The following FAM167A variants were observed in gnomAD, a reference collection of about 807,000 sequenced individuals.
FAM167A encodes the protein family with sequence similarity 167 member A.
A neutral mutation model predicts 14.9 loss-of-function variants in FAM167A; 23 were observed. The observed-to-expected ratio is 1.55, with a 90% CI of 1.11 to 2.19. The LOEUF is 2.19. FAM167A is among the 30% of genes most tolerant of loss of function. The pLI is 0.00. For synonymous variants in FAM167A, 174 were observed against 117.7 expected (o/e 1.48, Z -3.10); for missense variants, 401 against 281.5 (o/e 1.42, Z -3.04).
At chr8:11,447,712 T>C (rs994111877) in intron 1 of FAM167A, among the ~76,000 whole-genome samples, 5 of 152,208 alleles carry the variant, frequency 3.3e-5, no homozygotes, top group Admixed American at 1.3e-4. Flanking sequence ...TCTCAGCCTC[T>C]TTCTACTCTG....
chr8:11,437,184 G>A (rs1806078085), intron 2 of FAM167A, among the ~76,000 whole-genome samples: 2 of 152,180 alleles, frequency 1.3e-5, no homozygotes, highest in East Asian at 3.8e-4. Context: ...GGGCTTTGAG[G>A]TCGGGCAGAT....
chr8:11,429,056 C>G (rs1805384984), intron 2 of FAM167A, among the ~76,000 whole-genome samples: 1 of 151,996 alleles, frequency 6.6e-6, no homozygotes, highest in African/African-American at 2.4e-5. Flanking sequence ...CGCGCAACCA[C>G]CATCCATCTC....
At chr8:11,434,288 G>A (rs969621506) in intron 2 of FAM167A, among the ~76,000 whole-genome samples, 8 of 152,286 alleles carry the variant, frequency 5.3e-5, no homozygotes, top group East Asian at 1.9e-4. Context: ...GAGACTGCAG[G>A]GCGGGGACTC....
upstream of FAM167A, among the ~76,000 whole-genome samples, chr8:11,470,376 C>A (rs1402072733): frequency 6.6e-6 from 1 of 152,124 alleles, no homozygotes; most frequent in Non-Finnish European, 1.5e-5. Context: ...GTGCCTGCCA[C>A]AATCAGGGGC....
At chr8:11,468,939 G>C (rs1351476068), upstream of FAM167A, among the ~76,000 whole-genome samples, 1 of 152,224 alleles carries the variant, frequency 6.6e-6, no homozygotes, top group Non-Finnish European at 1.5e-5. Flanking sequence ...GAGTGGGCCA[G>C]AGGAAAGAGG....
intron 2 of FAM167A, among the ~76,000 whole-genome samples, chr8:11,432,944 C>G (rs1205650569): frequency 6.6e-6 from 1 of 152,152 alleles, no homozygotes; most frequent in Non-Finnish European, 1.5e-5. Flanking sequence ...AACCATCATT[C>G]TCAGCAAACC....
chr8:11,446,522 CG>C (rs1343616247), intron 1 of FAM167A: 3 of 152,152 alleles, frequency 2.0e-5, no homozygotes, highest in African/African-American at 7.2e-5. Flanking sequence ...AGTGTGCAGC[CG>C]GGGTGGAGAA....
chr8:11,463,521 A>G (rs1268159964), intron 1 of FAM167A, among the ~76,000 whole-genome samples: 2 of 152,214 alleles, frequency 1.3e-5, no homozygotes, highest in Non-Finnish European at 2.9e-5. Context: ...AACACTGCCC[A>G]GCCTTCGAGA....
In FAM167A at chr8:11,444,116, C is replaced by G. The variant is rs78823081; in HGVS notation, c.296G>C (p.Ser99Thr). 1,764 of 1,613,362 alleles carry G rather than the reference C, an allele frequency of 1.1e-3. 16 individuals carry two copies. The African/African-American group carries it at 0.021, about 19-fold the overall frequency. ...GQHPPSARSA[S>T]QGARPLSTGK... ...AGTGGACAGGGGTCTGGCACCTTGG[C>G]TGGCACTCCTGGCAGAAGGGGGGTG... The change falls in exon 2 of 3, where the codon AGC becomes ACC. Residue 99 changes from serine (S) to threonine (T), a missense_variant. Physicochemically the swap from Ser to Thr is moderately conservative, Grantham distance 58 (BLOSUM62 1). Coordinates refer to ENST00000284486, the MANE Select transcript of FAM167A (RefSeq NM_053279.3).
intron 1 of FAM167A, among the ~76,000 whole-genome samples, chr8:11,446,861 T>C (rs1210826464): frequency 2.0e-5 from 3 of 152,234 alleles, no homozygotes; most frequent in Non-Finnish European, 4.4e-5. Flanking sequence ...GGATCTGTTT[T>C]GAGCATGTCT....
Position 11,444,697 on chromosome 8 carries a change from C to T in FAM167A, c.-286G>A. Reference sequence around the variant, plus strand: ...CAGGAACAGACAGCGTCGCAGGAATCTCGGGGCAGCCTGTGCCAAGGTCTA... The same window carrying T: ...CAGGAACAGACAGCGTCGCAGGAATTTCGGGGCAGCCTGTGCCAAGGTCTA... On this transcript the variant is annotated 5_prime_UTR_variant, in exon 2 of 3. Coordinates refer to ENST00000284486, the MANE Select transcript of FAM167A (RefSeq NM_053279.3). 8.3e-7 allele frequency: 1 copy of T among 1,207,094 alleles called. No individual in the cohort carries two copies. The highest frequency in any genetic ancestry group is 1.0e-6 in the Non-Finnish European group (1 of 968,772). 74.8% of individuals were successfully genotyped at this position (1,207,094 alleles called of 1,614,324 possible). A position where few individuals can be genotyped will look rare whatever the true frequency, so the allele number is the denominator to read the frequency against.
At chr8:11,465,965 C>G (rs577098278) in intron 1 of FAM167A, among the ~76,000 whole-genome samples, 1 of 152,238 alleles carries the variant, frequency 6.6e-6, no homozygotes, top group Admixed American at 6.5e-5. Flanking sequence ...CAGGCAGTAA[C>G]GGGTGTGCAG....
intron 2 of FAM167A, 87 bp downstream of exon 2, chr8:11,443,944 G>C (rs1380924137): frequency 9.6e-6 from 14 of 1,459,968 alleles, no homozygotes; most frequent in Non-Finnish European, 1.3e-5. Flanking sequence ...GGTGGGGGTG[G>C]GGAGACAGAC....
chr8:11,437,794 T>A (rs1340664410), intron 2 of FAM167A, among the ~76,000 whole-genome samples: 1 of 152,144 alleles, frequency 6.6e-6, no homozygotes, highest in Non-Finnish European at 1.5e-5. Flanking sequence ...AGTTTATTAT[T>A]ATAGAAGAAA....
At chr8:11,444,004 T>TG in intron 2 of FAM167A, 27 bp downstream of exon 2, 1 of 1,590,146 alleles carries the variant, frequency 6.3e-7, no homozygotes, top group South Asian at 1.1e-5. Flanking sequence ...TCCTCTTTTC[T>TG]GGGGATTCTT....
chr8:11,433,911 C>T (rs1805799147), intron 2 of FAM167A: 1 of 152,204 alleles, frequency 6.6e-6, no homozygotes, highest in African/African-American at 2.4e-5. Flanking sequence ...TATTTAACTT[C>T]ACCTGCAGGT....
At chr8:11,435,319 C>G (rs759631451) in intron 2 of FAM167A, among the ~76,000 whole-genome samples, 1 of 152,180 alleles carries the variant, frequency 6.6e-6, no homozygotes, top group African/African-American at 2.4e-5. Flanking sequence ...TCCATGCGGC[C>G]TCCACCATGG....
intron 1 of FAM167A, among the ~76,000 whole-genome samples, chr8:11,448,794 C>T (rs1169036797): frequency 6.6e-6 from 1 of 152,240 alleles, no homozygotes; most frequent in Non-Finnish European, 1.5e-5. Context: ...CTCTGCATGG[C>T]AGACCAAGGC....
At chr8:11,466,232 C>CTA (rs995740820) in intron 1 of FAM167A, among the ~76,000 whole-genome samples, 9 of 152,218 alleles carry the variant, frequency 5.9e-5, no homozygotes, top group African/African-American at 2.2e-4. Flanking sequence ...CTCACTGAAC[C>CTA]TATACACAGG....
Sources: allele counts gnomAD v4.1 joint callset (sites outside exome capture counted in the v4.1 genomes callset), GRCh38; gene constraint gnomAD v4.1.1; transcripts MANE v1.5; gene names NCBI Gene and HGNC (gene_info 2026-07-23, HGNC 2026-07-21).